The following DGKB variants were observed in gnomAD, a reference collection of about 807,000 sequenced individuals.
The protein encoded by DGKB is diacylglycerol kinase beta, also known as 90 kDa diacylglycerol kinase.
Under a neutral mutation model 114.3 loss-of-function variants are expected in DGKB, and 67 were observed. The ratio of observed to expected loss-of-function variants is 0.59; its 90% CI spans 0.48 to 0.72. The LOEUF (loss-of-function observed/expected upper bound fraction) is 0.72, where lower values mean the gene tolerates loss of function less well. Ranked by LOEUF, DGKB falls within the 30% of genes least tolerant of loss-of-function variation. DGKB has a pLI of 0.00. For missense variants in DGKB, 907 were observed against 975.2 expected (o/e 0.93, Z 0.93); for synonymous variants, 398 against 323.1 (o/e 1.23, Z -2.49).
intron 2 of DGKB, among the ~76,000 whole-genome samples, chr7:14,840,736 ACACACACAC>A (rs1295698829): frequency 7.7e-6 from 1 of 129,302 alleles, no homozygotes; most frequent in Non-Finnish European, 1.6e-5. Context: ...ACACACACAC[ACACACACAC>A]CTCTCCCTTT....
chr7:14,630,354 C>A, intron 13 of DGKB, 86 bp from the exon 14 acceptor site: 1 of 904,544 alleles, frequency 1.1e-6, no homozygotes, highest in South Asian at 2.0e-5. Flanking sequence ...CATTACATGC[C>A]TGTGAAATAA....
rs78267423 is a variant in DGKB at position 14,920,452 on chromosome 7, T to C, written c.-188+54244A>G. On this transcript the variant is annotated intron_variant, in intron 1 of 4. Coordinates refer to the DGKB transcript ENST00000437998. ...AAATTATAAGAACAATAAGGTGCCA[T>C]GATATGCTTATTAGAATGTCTATAA... Among the ~76,000 whole-genome samples, 865 of 152,304 alleles carry C rather than the reference T, an allele frequency of 5.7e-3. 8 individuals carry two copies. Among genetic ancestry groups the C allele is most frequent in the African/African-American group, 0.019 (782 of 41,574 alleles).
chr7:14,201,126 G>T (rs1410131674), intron 23 of DGKB, among the ~76,000 whole-genome samples: 1 of 151,958 alleles, frequency 6.6e-6, no homozygotes, highest in Non-Finnish European at 1.5e-5. Flanking sequence ...CAACATCAAG[G>T]CACTAGCAGC....
chr7:14,788,062 T>C (rs1472103391), intron 2 of DGKB, among the ~76,000 whole-genome samples: 2 of 152,204 alleles, frequency 1.3e-5, no homozygotes, highest in African/African-American at 4.8e-5. Flanking sequence ...CAGCATCCCA[T>C]TGAGTAACAA....
At chr7:14,605,262 G>C (rs943586933) in intron 17 of DGKB, among the ~76,000 whole-genome samples, 1 of 151,544 alleles carries the variant, frequency 6.6e-6, no homozygotes, top group African/African-American at 2.4e-5. Context: ...TGTATCACCT[G>C]CTTTAGAGTG....
In DGKB at chr7:14,157,371, G is replaced by A. The variant is rs934634893; in HGVS notation, c.2305-8133C>T. 1.5e-4 allele frequency among the ~76,000 whole-genome samples: 12 copies of A among 79,430 alleles called. No individual in the cohort carries two copies. In the East Asian group the frequency reaches 5.3e-3, roughly 35 times the overall value. The allele number at this position is 79,430 out of a possible 152,430, so 52.1% of individuals were successfully genotyped here. ...CATAACAATTTTCTAAAATCCTTTTGCCAGTTTTTTTTTTTTTTTATGATT... is the reference window on the plus strand; with the variant it reads ...CATAACAATTTTCTAAAATCCTTTTACCAGTTTTTTTTTTTTTTTATGATT... On this transcript the variant is annotated intron_variant, in intron 25 of 25. Transcript: ENST00000402815.
chr7:14,652,201 A>G lies in DGKB; in HGVS notation c.1134+20728T>C, dbSNP rs567749347. ...GAGCCCACATCACCAAGTCAATCCT[A>G]AGCCAAAAGAACAAAGCTGGAGGCA... is the stretch of plus-strand genomic sequence containing the variant. On this transcript the variant is annotated intron_variant, in intron 13 of 25. Transcript: ENST00000402815. 1.4e-4 allele frequency among the ~76,000 whole-genome samples: 21 copies of G among 151,100 alleles called. No homozygotes were observed. The South Asian group carries it at 4.0e-3, about 29-fold the overall frequency.
At chr7:14,729,311 AC>A (rs1263955168) in intron 5 of DGKB, among the ~76,000 whole-genome samples, 6 of 149,918 alleles carry the variant, frequency 4.0e-5, no homozygotes, top group Non-Finnish European at 8.9e-5. Flanking sequence ...TTTAGTAGAG[AC>A]CAGGTTTCAC....
chr7:14,169,442 C>T (rs192820377), intron 25 of DGKB, among the ~76,000 whole-genome samples: 4 of 151,592 alleles, frequency 2.6e-5, no homozygotes, highest in African/African-American at 9.7e-5. Context: ...TTGGAGGTAG[C>T]CTGCCTGGAG....
chr7:14,195,911 G>A (rs905150183), intron 23 of DGKB, among the ~76,000 whole-genome samples: 2 of 152,144 alleles, frequency 1.3e-5, no homozygotes, highest in African/African-American at 4.8e-5. Flanking sequence ...AGGTTATTGT[G>A]CATAAAACCA....
At chr7:14,631,134 C>T (rs975656601) in intron 13 of DGKB, among the ~76,000 whole-genome samples, 2 of 151,450 alleles carry the variant, frequency 1.3e-5, no homozygotes, top group African/African-American at 4.9e-5. Flanking sequence ...CCCTTTTCCT[C>T]CCTAGATACG....
chr7:14,860,439 A>C (rs1033674588), intron 1 of DGKB, among the ~76,000 whole-genome samples: 1 of 152,008 alleles, frequency 6.6e-6, no homozygotes, highest in Non-Finnish European at 1.5e-5. Flanking sequence ...GATGCCTAAC[A>C]AATTAATATT....
At chr7:14,281,836 A>C (rs1800007556) in intron 23 of DGKB, among the ~76,000 whole-genome samples, 1 of 147,992 alleles carries the variant, frequency 6.8e-6, no homozygotes. Context: ...ACAACATACC[A>C]GAATCTCTGG....
At chr7:14,930,824 A>G (rs545289766) in intron 1 of DGKB, among the ~76,000 whole-genome samples, 1 of 152,056 alleles carries the variant, frequency 6.6e-6, no homozygotes, top group East Asian at 1.9e-4. Context: ...CCTGTTCAGT[A>G]TGATGTTGGT....
At chr7:14,303,082 C>T (rs1803841561) in intron 23 of DGKB, among the ~76,000 whole-genome samples, 1 of 152,148 alleles carries the variant, frequency 6.6e-6, no homozygotes, top group Non-Finnish European at 1.5e-5. Context: ...GTAGAATTAT[C>T]TTAGACAAAT....
intron 25 of DGKB, among the ~76,000 whole-genome samples, chr7:14,166,224 T>C (rs1784588747): frequency 6.6e-6 from 1 of 152,188 alleles, no homozygotes; most frequent in Admixed American, 6.5e-5. Context: ...AAAACCTTAA[T>C]CTTATAAGTG....
intron 1 of DGKB, among the ~76,000 whole-genome samples, chr7:14,929,902 G>T (rs938876125): frequency 1.3e-5 from 2 of 152,122 alleles, no homozygotes; most frequent in African/African-American, 4.8e-5. Flanking sequence ...TTTTGTATAT[G>T]TTGAGAGATA....
intron 15 of DGKB, among the ~76,000 whole-genome samples, chr7:14,616,411 ATCTG>A (rs1188266641): frequency 6.6e-6 from 1 of 151,582 alleles, no homozygotes; most frequent in Non-Finnish European, 1.5e-5. Flanking sequence ...ATTGTATCCA[ATCTG>A]TCTATGAATT....
intron 25 of DGKB, among the ~76,000 whole-genome samples, chr7:14,164,861 T>C (rs2128228374): frequency 6.6e-6 from 1 of 152,218 alleles, no homozygotes; most frequent in Middle Eastern, 3.4e-3. Context: ...ATACCAGAAA[T>C]TAATTAATGC....
Sources: gnomAD v4.1 joint callset for allele counts (sites outside exome capture counted in the v4.1 genomes callset) on GRCh38, gnomAD v4.1.1 for gene constraint, MANE v1.5 for transcripts, NCBI Gene and HGNC (gene_info 2026-07-23, HGNC 2026-07-21) for gene names.